Variants in ZNF438 observed in about 807,000 individuals in gnomAD.
ZNF438 encodes the protein zinc finger protein 438.
Under a neutral mutation model 38.0 loss-of-function variants are expected in ZNF438, and 25 were observed. The ratio of observed to expected loss-of-function variants is 0.66; its 90% confidence interval spans 0.48 to 0.92. The LOEUF (loss-of-function observed/expected upper bound fraction) is 0.92. ZNF438 is among the 40% of genes least tolerant of loss of function. ZNF438 has a pLI of 0.00. For synonymous variants in ZNF438, 372 were observed against 364.1 expected, an observed-to-expected ratio of 1.02 and a Z score of -0.25; for missense variants, 1,007 against 999.6, an observed-to-expected ratio of 1.01 and a Z score of -0.10.
chr10:31,008,182 T>C (rs1248387823), intron 1 of ZNF438, among the ~76,000 whole-genome samples: 1 of 152,208 alleles, frequency 6.6e-6, no homozygotes, highest in Non-Finnish European at 1.5e-5. Context: ...CCTGCTTTTA[T>C]TTAATGGCCT....
At position 30,857,742 on chromosome 10, in the gene ZNF438, G is replaced by A. The variant is rs549540821; in HGVS notation, c.38-7375C>T. Reference sequence around the variant, plus strand: ...GATATTTGGAGAATGTGCAACGTGTGTCCTCCTCCTCCTCCATTGCCATCA... The same window carrying A: ...GATATTTGGAGAATGTGCAACGTGTATCCTCCTCCTCCTCCATTGCCATCA... On this transcript the variant is annotated intron_variant, in intron 4 of 5. Coordinates refer to ENST00000413025, the Ensembl canonical transcript of ZNF438. 8.2e-6 allele frequency: 12 copies of A among 1,458,962 alleles called. No individual in the cohort carries two copies. In the South Asian group the frequency reaches 1.3e-4, roughly 15 times the overall value. The allele number at this position is 1,458,962 out of a possible 1,614,324, so 90.4% of individuals were successfully genotyped here. A position where few individuals can be genotyped will look rare whatever the true frequency, so the allele number is the denominator to read the frequency against.
chr10:30,914,731 C>T (rs2043421518), intron 2 of ZNF438, among the ~76,000 whole-genome samples: 1 of 152,060 alleles, frequency 6.6e-6, no homozygotes, highest in South Asian at 2.1e-4. Context: ...CCTCCAGTTT[C>T]TTCATGTTCT....
intron 1 of ZNF438, among the ~76,000 whole-genome samples, chr10:30,960,945 A>AT: frequency 6.8e-6 from 1 of 146,584 alleles, no homozygotes; most frequent in East Asian, 1.9e-4. Context: ...ATCAACAAAC[A>AT]TTTACTGAAT....
intron 4 of ZNF438, among the ~76,000 whole-genome samples, chr10:30,868,351 G>A (rs2036827914): frequency 6.6e-6 from 1 of 152,126 alleles, no homozygotes; most frequent in South Asian, 2.1e-4. Context: ...GATTACAGGT[G>A]TGAACCACCG....
At chr10:30,876,083 T>TA (rs1316232330) in intron 4 of ZNF438, among the ~76,000 whole-genome samples, 5 of 152,236 alleles carry the variant, frequency 3.3e-5, no homozygotes, top group Non-Finnish European at 5.9e-5. Context: ...CCTAAAGTTT[T>TA]ACAGTTAAGT....
At chr10:30,974,370 G>T (rs758791526) in intron 1 of ZNF438, among the ~76,000 whole-genome samples, 27 of 152,208 alleles carry the variant, frequency 1.8e-4, no homozygotes, top group Non-Finnish European at 3.7e-4. Context: ...CTACTCAGGG[G>T]ACTGAGGTGG....
At chr10:30,846,394 A>C (rs770082765) in intron 5 of ZNF438, among the ~76,000 whole-genome samples, 40 of 152,198 alleles carry the variant, frequency 2.6e-4, no homozygotes, top group Non-Finnish European at 4.1e-4. Flanking sequence ...CTGCTGGGAA[A>C]ACATGGAGAG....
At chr10:30,963,203 C>G (rs1753830053) in intron 1 of ZNF438, among the ~76,000 whole-genome samples, 1 of 151,632 alleles carries the variant, frequency 6.6e-6, no homozygotes, top group African/African-American at 2.4e-5. Flanking sequence ...ACCAGCCTGG[C>G]CAACAGAGTG....
At chr10:30,933,745 T>C (rs1280444309) in intron 2 of ZNF438, among the ~76,000 whole-genome samples, 1 of 152,198 alleles carries the variant, frequency 6.6e-6, no homozygotes, top group African/African-American at 2.4e-5. Flanking sequence ...TTCTTTGTTT[T>C]CCATGTCTAC....
At chr10:30,849,674 C>T (rs2033156087) in exon 5 of ZNF438, 3 of 1,614,168 alleles carry the variant, frequency 1.9e-6, no homozygotes, top group South Asian at 2.2e-5. Context: ...TGTTATCTTG[C>T]TTACAAAGTG....
rs761449943 is a variant in ZNF438 at position 30,849,419 on chromosome 10, A to G, written c.986T>C (p.Ile329Thr). The change falls in exon 5 of 6, where the codon ATA (isoleucine) becomes ACA (threonine). Residue 329 changes from isoleucine to threonine, a missense_variant. Physicochemically the swap from Ile to Thr is moderately conservative, Grantham distance 89 (BLOSUM62 -1). Transcript: ENST00000413025. ...ATTAAAGCCTTCTGTGGTGGAGGGTATCTTATCACAGTCGGCCTTAGGTCC... is the reference window on the plus strand; with the variant it reads ...ATTAAAGCCTTCTGTGGTGGAGGGTGTCTTATCACAGTCGGCCTTAGGTCC... 3.7e-6 allele frequency: 6 copies of G among 1,614,210 alleles called. No individual in the cohort carries two copies. The highest frequency in any genetic ancestry group is 1.7e-5 in the Admixed American group (1 of 60,026).
chr10:31,011,674 C>T (rs546501848), intron 1 of ZNF438, among the ~76,000 whole-genome samples: 27 of 152,302 alleles, frequency 1.8e-4, no homozygotes, highest in African/African-American at 6.5e-4. Context: ...CTCAGAAGCA[C>T]TCAACTGCTG....
At chr10:30,962,338 G>A (rs1469972892) in intron 1 of ZNF438, among the ~76,000 whole-genome samples, 1 of 147,290 alleles carries the variant, frequency 6.8e-6, no homozygotes, top group Non-Finnish European at 1.5e-5. Context: ...AGAAAAGTTG[G>A]AGATTAATAG....
At chr10:30,986,301 A>G (rs2052781683) in intron 1 of ZNF438, among the ~76,000 whole-genome samples, 1 of 152,202 alleles carries the variant, frequency 6.6e-6, no homozygotes, top group African/African-American at 2.4e-5. Context: ...AAGGCACATC[A>G]CAGCCTTCTT....
intron 4 of ZNF438, among the ~76,000 whole-genome samples, chr10:30,863,787 G>T (rs1245095840): frequency 6.6e-6 from 1 of 152,176 alleles, no homozygotes; most frequent in African/African-American, 2.4e-5. Flanking sequence ...TCATATTGTA[G>T]GTTCGCCCCC....
chr10:30,945,642 A>C (rs1471590662), intron 1 of ZNF438, among the ~76,000 whole-genome samples: 1 of 141,204 alleles, frequency 7.1e-6, no homozygotes, highest in African/African-American at 2.7e-5. Context: ...TATGAGTGAG[A>C]ATATGCGGTG....
chr10:30,857,209 A>AC (rs1472648763), intron 4 of ZNF438, among the ~76,000 whole-genome samples: 1 of 152,126 alleles, frequency 6.6e-6, no homozygotes, highest in East Asian at 1.9e-4. Flanking sequence ...AATTTTAAAT[A>AC]GAAAAAATAA....
intron 4 of ZNF438, among the ~76,000 whole-genome samples, chr10:30,854,959 A>AGG (rs1403821494): frequency 6.6e-6 from 1 of 152,230 alleles, no homozygotes; most frequent in African/African-American, 2.4e-5. Context: ...TAAGTTGGGA[A>AGG]GGGGCTTCCT....
chr10:30,872,358 GGAGATTGCAGTGAGCC>G (rs149487379), intron 4 of ZNF438, among the ~76,000 whole-genome samples: 17,454 of 143,530 alleles, frequency 0.12, 1,474 homozygotes, highest in Middle Eastern at 0.24. Context: ...CCCGGGAGGT[GGAGATTGCAGTGAGCC>G]GAGATTGCAC....
Sources: gnomAD v4.1 joint callset for allele counts (sites outside exome capture counted in the v4.1 genomes callset) on GRCh38, gnomAD v4.1.1 for gene constraint, MANE v1.5 for transcripts, NCBI Gene and HGNC (gene_info 2026-07-23, HGNC 2026-07-21) for gene names.